Variants in FER observed in about 807,000 individuals in gnomAD.
FER encodes the protein FER tyrosine kinase, also known as tyrosine-protein kinase Fer.
FER carries 63 observed loss-of-function variants against 111.0 expected under a neutral mutation model. The ratio of observed to expected loss-of-function variants is 0.57; its 90% CI spans 0.46 to 0.70. FER has a LOEUF of 0.70. Ranked by LOEUF, FER falls within the 30% of genes least tolerant of loss-of-function variation. The pLI is 0.00. For missense variants in FER, 914 were observed against 954.0 expected (o/e 0.96, Z 0.55); for synonymous variants, 327 against 313.9 (o/e 1.04, Z -0.44).
chr5:108,906,358 T>C (rs1225692548), intron 10 of FER, among the ~76,000 whole-genome samples: 1 of 152,188 alleles, frequency 6.6e-6, no homozygotes, highest in Admixed American at 6.5e-5. Context: ...AAATGCAAAC[T>C]ATTAATTTTT....
chr5:108,897,533 A>G, intron 9 of FER, 126 bp from the exon 10 acceptor site: 2 of 655,150 alleles, frequency 3.1e-6, no homozygotes, highest in Middle Eastern at 4.2e-4. Context: ...GCTTAGTTTC[A>G]TATTTTTTAT....
At chr5:108,818,896 A>G (rs1334295166) in intron 3 of FER, among the ~76,000 whole-genome samples, 1 of 152,230 alleles carries the variant, frequency 6.6e-6, no homozygotes, top group Non-Finnish European at 1.5e-5. Flanking sequence ...AAAGGAGTAG[A>G]TAGCTTTTCC....
intron 12 of FER, 26 bp from the exon 13 acceptor site, chr5:108,959,199 A>G (rs199573918): frequency 3.3e-5 from 52 of 1,595,844 alleles, no homozygotes; most frequent in Non-Finnish European, 4.3e-5. Context: ...CTTCACATTT[A>G]TTCTACCTTA....
At chr5:108,785,373 A>G (rs976038369) in intron 2 of FER, 19 of 583,836 alleles carry the variant, frequency 3.3e-5, no homozygotes, top group Admixed American at 1.7e-4. Flanking sequence ...CCCAGCATCA[A>G]GATCTGGGAC....
intron 13 of FER, among the ~76,000 whole-genome samples, chr5:109,005,782 C>G (rs988954616): frequency 6.6e-6 from 1 of 152,176 alleles, no homozygotes; most frequent in Non-Finnish European, 1.5e-5. Context: ...ACCATGTGTT[C>G]TGCCTTCCTG....
chr5:108,937,295 T>A (rs1003721168), intron 10 of FER, among the ~76,000 whole-genome samples: 1 of 151,976 alleles, frequency 6.6e-6, no homozygotes, highest in Non-Finnish European at 1.5e-5. Context: ...GTACCATTCA[T>A]TGAAATGGGA....
chr5:108,921,158 T>C (rs1322326662), intron 10 of FER, among the ~76,000 whole-genome samples: 1 of 152,186 alleles, frequency 6.6e-6, no homozygotes, highest in African/African-American at 2.4e-5. Flanking sequence ...ATTTATCCTA[T>C]TGCCTTTTTC....
At chr5:109,185,198 A>G (rs1312474331) in intron 18 of FER, among the ~76,000 whole-genome samples, 1 of 152,170 alleles carries the variant, frequency 6.6e-6, no homozygotes, top group Non-Finnish European at 1.5e-5. Flanking sequence ...CTAGGAGACT[A>G]CCAAAAAAAT....
At chr5:109,162,507 T>C (rs905175765) in intron 17 of FER, among the ~76,000 whole-genome samples, 9 of 152,178 alleles carry the variant, frequency 5.9e-5, no homozygotes, top group Non-Finnish European at 1.3e-4. Flanking sequence ...GCAAGCCTTT[T>C]TCTCTCACAA....
intron 10 of FER, among the ~76,000 whole-genome samples, chr5:108,903,099 G>A (rs555121679): frequency 6.1e-4 from 92 of 152,064 alleles, no homozygotes; most frequent in Non-Finnish European, 8.4e-4. Flanking sequence ...AATAATTTTT[G>A]TTGAAAGAGT....
chr5:108,814,529 C>G (rs917360304), intron 3 of FER, among the ~76,000 whole-genome samples: 1 of 152,142 alleles, frequency 6.6e-6, no homozygotes, highest in Admixed American at 6.5e-5. Context: ...TAAAGGATTA[C>G]TTTTCTTAAT....
chr5:108,920,340 A>G (rs1453484590), intron 10 of FER, among the ~76,000 whole-genome samples: 5 of 152,254 alleles, frequency 3.3e-5, no homozygotes, highest in Non-Finnish European at 5.9e-5. Flanking sequence ...ATTGTTTGCT[A>G]TATCTGGTGT....
intron 13 of FER, among the ~76,000 whole-genome samples, chr5:108,968,525 A>G (rs1468944651): frequency 6.6e-6 from 1 of 152,228 alleles, no homozygotes; most frequent in African/African-American, 2.4e-5. Flanking sequence ...TAATTAATAT[A>G]GCCAAAACTG....
Position 108,772,647 on chromosome 5 carries a change from C to T in FER, c.-60+4409C>T, listed in dbSNP as rs535935162. Among the ~76,000 whole-genome samples, 6 of 152,116 alleles carry T rather than the reference C, an allele frequency of 3.9e-5. No individual in the cohort carries two copies. The East Asian group carries it at 1.2e-3, about 29-fold the overall frequency. Reference sequence around the variant, plus strand: ...TTTTTTCCTCAAAACATAATTTCAACTTTAAATATACATGACATTGGCTGT... The same window carrying T: ...TTTTTTCCTCAAAACATAATTTCAATTTTAAATATACATGACATTGGCTGT... On this transcript the variant is annotated intron_variant, in intron 2 of 19. Coordinates refer to ENST00000281092, the MANE Select transcript of FER (RefSeq NM_005246.4).
chr5:108,948,082 A>C lies in FER; in HGVS notation c.1329+1860A>C, dbSNP rs191277443. On this transcript the variant is annotated intron_variant, in intron 11 of 19. Transcript: ENST00000281092. ...CACTGTTTATGCAAATAAACATACA[A>C]AAATTAGAATGTTAAAGCATAATTT... Among the ~76,000 whole-genome samples, 101 of 152,256 alleles carry C rather than the reference A, an allele frequency of 6.6e-4. No individual in the cohort carries two copies. In the East Asian group the frequency reaches 0.019, roughly 28 times the overall value.
chr5:109,139,953 A>G (rs773968095), intron 17 of FER, among the ~76,000 whole-genome samples: 3 of 152,246 alleles, frequency 2.0e-5, no homozygotes, highest in Non-Finnish European at 2.9e-5. Context: ...CAAGTATGTT[A>G]TTGAACCATA....
At chr5:108,967,453 C>A (rs189985958) in intron 13 of FER, among the ~76,000 whole-genome samples, 19 of 152,042 alleles carry the variant, frequency 1.2e-4, no homozygotes, top group Admixed American at 7.2e-4. Flanking sequence ...GAAAGTTGGG[C>A]ATGACAGTGT....
intron 10 of FER, among the ~76,000 whole-genome samples, chr5:108,934,576 G>T (rs1229923206): frequency 6.6e-6 from 1 of 151,980 alleles, no homozygotes; most frequent in Non-Finnish European, 1.5e-5. Context: ...AACTATATTG[G>T]ACTCCAAAAT....
chr5:108,762,935 C>A (rs1751924358), intron 1 of FER, among the ~76,000 whole-genome samples: 1 of 152,190 alleles, frequency 6.6e-6, no homozygotes, highest in African/African-American at 2.4e-5. Flanking sequence ...TTTGAAATCT[C>A]CTACCTACTT....
Sources: gnomAD v4.1 joint callset for allele counts (sites outside exome capture counted in the v4.1 genomes callset) on GRCh38, gnomAD v4.1.1 for gene constraint, MANE v1.5 for transcripts, NCBI Gene and HGNC (gene_info 2026-07-23, HGNC 2026-07-21) for gene names.